Variants in ACTR3C observed in about 807,000 individuals in gnomAD.
The protein encoded by ACTR3C is actin related protein 3C, also known as actin-related protein 3C.
ACTR3C carries 18 observed loss-of-function variants against 26.3 expected under a neutral mutation model. That is an observed-to-expected ratio of 0.68 (90% CI 0.47 to 1.01). ACTR3C has a LOEUF of 1.01. ACTR3C is among the 50% of genes least tolerant of loss of function. The pLI is 0.00. For missense variants in ACTR3C, 184 were observed against 250.7 expected (o/e 0.73, Z 1.80); for synonymous variants, 55 against 94.5 (o/e 0.58, Z 2.42).
At chr7:150,298,117 G>C (rs922918972) in intron 1 of ACTR3C, among the ~76,000 whole-genome samples, 2 of 150,978 alleles carry the variant, frequency 1.3e-5, no homozygotes, top group Non-Finnish European at 2.9e-5. Flanking sequence ...AGCAGGTGGT[G>C]GAGAGAAGGA....
chr7:150,065,490 C>A, the ACTR3C span, among the ~76,000 whole-genome samples: 1 of 152,140 alleles, frequency 6.6e-6, no homozygotes, highest in African/African-American at 2.4e-5. Flanking sequence ...TGTAAGGATA[C>A]CTTGTCCATT....
At chr7:150,132,696 G>A in the ACTR3C span, among the ~76,000 whole-genome samples, 8 of 152,296 alleles carry the variant, frequency 5.3e-5, no homozygotes, top group Admixed American at 1.3e-4. Context: ...TGAAGAGCAG[G>A]CTCAAAGAAC....
the ACTR3C span, among the ~76,000 whole-genome samples, chr7:150,198,893 C>T: frequency 3.4e-5 from 5 of 147,878 alleles, no homozygotes; most frequent in Non-Finnish European, 4.5e-5. Context: ...AGTGAGGAGC[C>T]CCTCTGCCCA....
chr7:150,149,720 C>A, the ACTR3C span, among the ~76,000 whole-genome samples: 1 of 151,892 alleles, frequency 6.6e-6, no homozygotes, highest in South Asian at 2.1e-4. Flanking sequence ...TGTGGATGAA[C>A]TAGTGTTTTT....
the ACTR3C span, among the ~76,000 whole-genome samples, chr7:149,883,410 C>T: frequency 7.9e-5 from 12 of 152,072 alleles, no homozygotes; most frequent in Non-Finnish European, 1.6e-4. Flanking sequence ...CGGACCTACA[C>T]GATGCAAAAA....
At chr7:150,070,917 C>A in the ACTR3C span, among the ~76,000 whole-genome samples, 3 of 149,496 alleles carry the variant, frequency 2.0e-5, no homozygotes, top group Non-Finnish European at 4.4e-5. Flanking sequence ...GCCTCAGCCT[C>A]CCGAGTAGCT....
At chr7:149,922,054 G>A in the ACTR3C span, among the ~76,000 whole-genome samples, 1 of 143,888 alleles carries the variant, frequency 6.9e-6, no homozygotes, top group Non-Finnish European at 1.5e-5. Context: ...CCCTGGACTT[G>A]CTTGCTCAGT....
chr7:150,203,479 A>G, the ACTR3C span, among the ~76,000 whole-genome samples: 1 of 152,156 alleles, frequency 6.6e-6, no homozygotes, highest in Non-Finnish European at 1.5e-5. Context: ...AATCACATAA[A>G]CCAAAATACA....
chr7:150,264,916 A>G lies in ACTR3C; in HGVS notation c.565-15862T>C, dbSNP rs144812631. ...ATCAAATACAAAAGAGGACTTAACA[A>G]ATACAATCAGACTCACATTAAATCC... On this transcript the variant is annotated intron_variant, in intron 6 of 7. Coordinates refer to ENST00000683684, the MANE Select transcript of ACTR3C (RefSeq NM_001164458.2). 186 of 947,666 alleles carry G rather than the reference A, an allele frequency of 2.0e-4. 1 individual carries two copies. In the East Asian group the frequency reaches 0.018, roughly 93 times the overall value. The allele number at this position is 947,666 out of a possible 1,614,324, so 58.7% of individuals were successfully genotyped here. A position where few individuals can be genotyped will look rare whatever the true frequency, so the allele number is the denominator to read the frequency against.
At chr7:150,114,909 C>A in the ACTR3C span, among the ~76,000 whole-genome samples, 8 of 152,006 alleles carry the variant, frequency 5.3e-5, no homozygotes, top group Non-Finnish European at 1.2e-4. Context: ...TCCTCCTGGC[C>A]CCAAACTGTT....
chr7:150,151,086 T>C, the ACTR3C span, among the ~76,000 whole-genome samples: 2 of 109,588 alleles, frequency 1.8e-5, no homozygotes, highest in African/African-American at 6.6e-5. Context: ...TTGGCTTTTA[T>C]TGCTTTTATT....
chr7:149,966,302 G>T, the ACTR3C span, among the ~76,000 whole-genome samples: 1 of 152,104 alleles, frequency 6.6e-6, no homozygotes, highest in Non-Finnish European at 1.5e-5. Flanking sequence ...TCTGAGGCAG[G>T]GCCACTGTCA....
the ACTR3C span, among the ~76,000 whole-genome samples, chr7:150,208,296 GAA>G: frequency 6.6e-6 from 1 of 152,268 alleles, no homozygotes; most frequent in East Asian, 1.9e-4. Flanking sequence ...AAGCAACACG[GAA>G]AGAGAGCTTT....
At chr7:150,037,370 CG>C in the ACTR3C span, among the ~76,000 whole-genome samples, 51 of 52,406 alleles carry the variant, frequency 9.7e-4, 9 homozygotes, top group African/African-American at 2.3e-3. Context: ...CCCCGCCTCG[CG>C]GGGGGTGCCT....
At chr7:150,225,004 A>AGTGTGTGTGTGTGTGTGTGT in the ACTR3C span, among the ~76,000 whole-genome samples, 1 of 136,286 alleles carries the variant, frequency 7.3e-6, no homozygotes, top group East Asian at 2.2e-4. Flanking sequence ...CACCCCCATT[A>AGTGTGTGTGTGTGTGTGTGT]GTGTGTGTGT....
At chr7:150,084,321 A>G in the ACTR3C span, among the ~76,000 whole-genome samples, 1 of 152,240 alleles carries the variant, frequency 6.6e-6, no homozygotes, top group Admixed American at 6.5e-5. Flanking sequence ...ACTACCAAGC[A>G]CATTGCAGAT....
At chr7:150,006,154 G>A in the ACTR3C span, among the ~76,000 whole-genome samples, 1 of 128,596 alleles carries the variant, frequency 7.8e-6, no homozygotes, top group South Asian at 2.5e-4. Context: ...GAACCTAAAG[G>A]CTTCCCAATA....
the ACTR3C span, among the ~76,000 whole-genome samples, chr7:150,078,339 G>A: frequency 6.8e-6 from 1 of 146,874 alleles, no homozygotes; most frequent in Non-Finnish European, 1.5e-5. Context: ...ACTTGCCATG[G>A]TCAAGCAGCT....
chr7:150,149,093 A>G, the ACTR3C span, among the ~76,000 whole-genome samples: 5,598 of 47,668 alleles, frequency 0.12, 451 homozygotes, highest in Non-Finnish European at 0.15. Context: ...ATATATATAT[A>G]TATATATATA....
Sources: gnomAD v4.1 joint callset for allele counts (sites outside exome capture counted in the v4.1 genomes callset) on GRCh38, gnomAD v4.1.1 for gene constraint, MANE v1.5 for transcripts, NCBI Gene and HGNC (gene_info 2026-07-23, HGNC 2026-07-21) for gene names.